Variants in SLFN12 observed in about 807,000 individuals in gnomAD.
SLFN12 encodes the protein schlafen family member 12.
Under a neutral mutation model 29.1 loss-of-function variants are expected in SLFN12, and 25 were observed. The observed-to-expected ratio is 0.86, with a 90% CI of 0.63 to 1.20. The LOEUF is 1.20. SLFN12 is among the 50% of genes most tolerant of loss of function. The pLI, the probability that SLFN12 is intolerant of heterozygous loss-of-function variation, is 0.00. For synonymous variants in SLFN12, 257 were observed against 238.7 expected, an observed-to-expected ratio of 1.08 and a Z score of -0.71; for missense variants, 660 against 666.2, an observed-to-expected ratio of 0.99 and a Z score of 0.10.
At chr17:35,432,910 C>G (rs1465409546), upstream of SLFN12, 1 of 152,082 alleles carries the variant, frequency 6.6e-6, no homozygotes, top group Non-Finnish European at 1.5e-5. Flanking sequence ...CTTACCAGCT[C>G]GCGGTGCTCC....
chr17:35,418,856 A>G lies in SLFN12; in HGVS notation c.1147+1418T>C, dbSNP rs559097905. Among the ~76,000 whole-genome samples, 12 of 151,354 alleles carry G rather than the reference A, an allele frequency of 7.9e-5. No individual in the cohort carries two copies. The South Asian group carries it at 1.7e-3, about 21-fold the overall frequency. On this transcript the variant is annotated intron_variant, in intron 3 of 3. Transcript: ENST00000304905. The stretch of plus-strand genomic sequence containing the variant: ...ATTGAGATGGATTGTGTATTTATTT[A>G]TTTGTTTGTTTGTTTGTTTGTTACT...
At position 35,414,129 on chromosome 17, in the gene SLFN12, G is replaced by A. The variant is rs141220235; in HGVS notation, c.1148-2202C>T. ...ATCCAATATGGAAGTCCTAGCCAGAGCAATTAGGGAAGAAAAAAGAAATAA... is the reference window on the plus strand; with the variant it reads ...ATCCAATATGGAAGTCCTAGCCAGAACAATTAGGGAAGAAAAAAGAAATAA... On this transcript the variant is annotated intron_variant, in intron 3 of 3. Coordinates refer to ENST00000304905, the MANE Select transcript of SLFN12 (RefSeq NM_018042.5). Among the ~76,000 whole-genome samples the A allele has an allele frequency of 4.9e-3, 747 of 152,052 alleles. 4 individuals are homozygous for A. Among genetic ancestry groups the A allele is most frequent in the African/African-American group, 0.017 (707 of 41,500 alleles).
chr17:35,423,525 T>A (rs1211232059), intron 1 of SLFN12, among the ~76,000 whole-genome samples: 1 of 152,134 alleles, frequency 6.6e-6, no homozygotes, highest in Non-Finnish European at 1.5e-5. Flanking sequence ...GATTTCCCGT[T>A]AAGGTCTAAT....
intron 1 of SLFN12, among the ~76,000 whole-genome samples, chr17:35,426,691 A>G (rs1912038029): frequency 6.6e-6 from 1 of 152,154 alleles, no homozygotes; most frequent in Admixed American, 6.5e-5. Context: ...GATCTCTCAC[A>G]GTCTTTGCAG....
chr17:35,421,884 A>G (rs1447157589), intron 2 of SLFN12, 106 bp downstream of exon 2: 1 of 1,391,578 alleles, frequency 7.2e-7, no homozygotes, highest in African/African-American at 1.4e-5. Context: ...TTAATAGTTT[A>G]GGTGCTGAAA....
chr17:35,418,688 T>TGCGGG (rs761443652), intron 3 of SLFN12, among the ~76,000 whole-genome samples: 15,217 of 152,046 alleles, frequency 0.1, 2,397 homozygotes, highest in African/African-American at 0.34. Flanking sequence ...CGACTGCACC[T>TGCGGG]TTTGTTCAAA....
At chr17:35,424,532 G>A (rs775097401) in intron 1 of SLFN12, among the ~76,000 whole-genome samples, 1 of 152,140 alleles carries the variant, frequency 6.6e-6, no homozygotes, top group Admixed American at 6.5e-5. Flanking sequence ...AAGAAGTGTA[G>A]GTTTTCCGAG....
chr17:35,427,781 C>T (rs1196359380), intron 1 of SLFN12, among the ~76,000 whole-genome samples: 2 of 152,022 alleles, frequency 1.3e-5, no homozygotes, highest in Non-Finnish European at 2.9e-5. Flanking sequence ...TTCAATCATT[C>T]GATATAATTA....
In SLFN12 at chr17:35,411,416, A is replaced by T; in HGVS notation, c.1659T>A (p.Asn553Lys). 3 of 1,610,660 alleles carry T rather than the reference A, an allele frequency of 1.9e-6. 1 individual carries two copies. The South Asian group carries it at 3.3e-5, about 18-fold the overall frequency. ...AATCTATACCGATTATCTGGTATAGATTTTCTGCAAAGGAAAACTGGTCTC... is the reference window on the plus strand; with the variant it reads ...AATCTATACCGATTATCTGGTATAGTTTTTCTGCAAAGGAAAACTGGTCTC... ...SLRDQFSFAE[N>K]LYQIIGIDCF... The change falls in exon 4 of 4, where the codon AAT (asparagine) becomes AAA (lysine). Residue 553 changes from asparagine (N) to lysine (K), a missense_variant. Transcript: ENST00000304905.
Position 35,411,262 on chromosome 17 carries a change from G to T in SLFN12, c.*76C>A, listed in dbSNP as rs1396052146. 1.7e-6 allele frequency: 2 copies of T among 1,171,900 alleles called. No individual in the cohort carries two copies. The highest frequency in any genetic ancestry group is 2.4e-6 in the Non-Finnish European group (2 of 849,986). The allele number at this position is 1,171,900 out of a possible 1,614,324, so 72.6% of individuals were successfully genotyped here. ...TTGCTTAACTTGCAAAGTTTTCAAA[G>T]AAATATTTTCACAGAATTAGAGAAT... On this transcript the variant is annotated 3_prime_UTR_variant, in exon 4 of 4. Coordinates refer to ENST00000304905, the MANE Select transcript of SLFN12 (RefSeq NM_018042.5).
At chr17:35,427,628 T>A (rs911040705) in intron 1 of SLFN12, among the ~76,000 whole-genome samples, 1 of 152,160 alleles carries the variant, frequency 6.6e-6, no homozygotes, top group African/African-American at 2.4e-5. Context: ...TGCTTTTCCA[T>A]GTATCAATAT....
At position 35,411,008 on chromosome 17, in the gene SLFN12, G is replaced by C. The variant is rs949141886; in HGVS notation, c.*330C>G. The C allele has an allele frequency of 1.2e-5, 2 of 166,812 alleles. No individual in the cohort carries two copies. The highest frequency in any genetic ancestry group is 6.2e-5 in the Admixed American group (1 of 16,044). 10.3% of individuals were successfully genotyped at this position (166,812 alleles called of 1,614,324 possible). On this transcript the variant is annotated 3_prime_UTR_variant, in exon 4 of 4. Transcript: ENST00000304905. ...TTTTGTAAGTTATAATTGTTTTCTA[G>C]GTATATGCTGGGAGATTTTCACTGT...
rs1354780258 is a variant in SLFN12, at chr17:35,422,841, A to G, written c.188T>C (p.Ile63Thr). 24 of 1,613,770 alleles carry G rather than the reference A, an allele frequency of 1.5e-5. No homozygotes were observed. The highest frequency in any genetic ancestry group is 3.3e-5 in the Admixed American group (2 of 59,986). The change falls in exon 2 of 4, where the codon ATT becomes ACT. Residue 63 changes from isoleucine (I) to threonine (T), a missense_variant. Coordinates refer to ENST00000304905, the MANE Select transcript of SLFN12 (RefSeq NM_018042.5). ...TGTATAACTATAGTCTTCATTCTCA[A>G]TTTCAGCCTTGATCACTCCCCCTCC... ...NSGGGVIKAE[I>T]ENEDYSYTKD...
chr17:35,420,607 A>G, intron 2 of SLFN12: 1 of 364,712 alleles, frequency 2.7e-6, no homozygotes, highest in South Asian at 4.5e-5. Context: ...GTAAAAATGC[A>G]TTAATAGTAA....
intron 3 of SLFN12, 87 bp downstream of exon 3, chr17:35,420,187 G>T: frequency 1.1e-6 from 1 of 903,614 alleles, no homozygotes; most frequent in Non-Finnish European, 1.7e-6. Context: ...TGCTTTCAGA[G>T]CAAATTTCAA....
chr17:35,432,913 G>C (rs546208776), upstream of SLFN12: 1 of 152,084 alleles, frequency 6.6e-6, no homozygotes, highest in South Asian at 2.1e-4. Context: ...ACCAGCTCGC[G>C]GTGCTCCCTA....
At chr17:35,421,778 G>A (rs988217843) in intron 2 of SLFN12, among the ~76,000 whole-genome samples, 3 of 151,666 alleles carry the variant, frequency 2.0e-5, no homozygotes, top group African/African-American at 4.8e-5. Context: ...CTGACCTCGT[G>A]ATCCGCCCGC....
intron 3 of SLFN12, among the ~76,000 whole-genome samples, chr17:35,412,459 C>A (rs1195132367): frequency 6.6e-6 from 1 of 152,064 alleles, no homozygotes; most frequent in African/African-American, 2.4e-5. Flanking sequence ...ACTGGAATTC[C>A]AGTCCCAAAA....
intron 3 of SLFN12, among the ~76,000 whole-genome samples, chr17:35,419,567 C>A (rs1479515949): frequency 6.6e-6 from 1 of 151,940 alleles, no homozygotes; most frequent in Non-Finnish European, 1.5e-5. Flanking sequence ...CAAAGACATA[C>A]CATTTTATAC....
Sources: allele counts gnomAD v4.1 joint callset (sites outside exome capture counted in the v4.1 genomes callset), GRCh38; gene constraint gnomAD v4.1.1; transcripts MANE v1.5; gene names NCBI Gene and HGNC (gene_info 2026-07-23, HGNC 2026-07-21).